The following ARL17A variants were observed in gnomAD, a reference collection of about 807,000 sequenced individuals.
ARL17A encodes ARF like GTPase 17A, also known as ADP-ribosylation factor-like 17-like.
the ARL17A span, among the ~76,000 whole-genome samples, chr17:46,509,910 GA>G: frequency 1.1e-3 from 50 of 46,728 alleles, no homozygotes; most frequent in Non-Finnish European, 1.2e-3. Context: ...CTCTCTCGAG[GA>G]AAAAAAAAAA....
intron 4 of ARL17A, among the ~76,000 whole-genome samples, chr17:46,534,840 C>G (rs1176494783): frequency 1.3e-5 from 2 of 149,572 alleles, no homozygotes; most frequent in African/African-American, 2.5e-5. Flanking sequence ...CCCCACCTCC[C>G]TCCCAGACAG....
At chr17:46,501,529 C>T in the ARL17A span, among the ~76,000 whole-genome samples, 249 of 151,338 alleles carry the variant, frequency 1.6e-3, 21 homozygotes, top group African/African-American at 5.7e-3. Flanking sequence ...AGTCGTCTGC[C>T]GGCTGTTATA....
chr17:46,549,603 CAAT>C (rs776465596), downstream of ARL17A: 196 of 982,020 alleles, frequency 2.0e-4, no homozygotes, highest in Admixed American at 3.3e-4. Context: ...TCCCCAACAA[CAAT>C]GTGAGAAGGC....
In ARL17A at chr17:46,534,773, C is replaced by T. The variant is rs1450470261; in HGVS notation, c.335+3578G>A. On this transcript the variant is annotated intron_variant, in intron 4 of 4. Transcript: ENST00000329240. ...CTCCTCACTTCCCAGAAGGGGCAGC[C>T]GGGCAGAGGCGCCCCCCCACCTCCC... Among the ~76,000 whole-genome samples, 9 of 149,618 alleles carry T rather than the reference C, an allele frequency of 6.0e-5. No individual in the cohort carries two copies. The South Asian group carries it at 6.3e-4, about 10-fold the overall frequency.
downstream of ARL17A, among the ~76,000 whole-genome samples, chr17:46,526,571 TG>T (rs2052793073): frequency 9.6e-6 from 1 of 104,020 alleles, no homozygotes; most frequent in Non-Finnish European, 2.1e-5. Flanking sequence ...AAATCATCCC[TG>T]GGTTCCAATA....
At chr17:46,551,229 TG>T (rs1413312496), downstream of ARL17A, among the ~76,000 whole-genome samples, 1 of 149,106 alleles carries the variant, frequency 6.7e-6, no homozygotes, top group African/African-American at 2.6e-5. Flanking sequence ...CTGGCTACTC[TG>T]GGACAAGTCC....
At chr17:46,534,168 C>T (rs1167866755) in intron 4 of ARL17A, among the ~76,000 whole-genome samples, 1 of 148,278 alleles carries the variant, frequency 6.7e-6, no homozygotes, top group Non-Finnish European at 1.5e-5. Flanking sequence ...CATGCACCAC[C>T]ATGCCCAGTT....
At chr17:46,540,514 A>AG (rs1283724454) in intron 3 of ARL17A, among the ~76,000 whole-genome samples, 4 of 148,504 alleles carry the variant, frequency 2.7e-5, no homozygotes, top group Admixed American at 6.7e-5. Flanking sequence ...AAGAAAGCAA[A>AG]GGGGAAAAGG....
chr17:46,501,222 C>G, the ARL17A span, among the ~76,000 whole-genome samples: 39 of 151,294 alleles, frequency 2.6e-4, 5 homozygotes, highest in African/African-American at 9.4e-4. Flanking sequence ...GTTGCCTAGG[C>G]TGGAGGGCAG....
intron 4 of ARL17A, among the ~76,000 whole-genome samples, chr17:46,537,038 G>A (rs1452360305): frequency 0.05 from 1,616 of 32,436 alleles, 3 homozygotes; most frequent in Admixed American, 0.084. Context: ...CAAGACTTTG[G>A]TTACATTTCT....
At chr17:46,519,487 GAT>G (rs1426374567) in intron 3 of ARL17A, among the ~76,000 whole-genome samples, 1 of 129,946 alleles carries the variant, frequency 7.7e-6, no homozygotes, top group Admixed American at 7.8e-5. Flanking sequence ...TAGAGAGAGG[GAT>G]ATGATTGGAA....
At chr17:46,568,998 A>G (rs1433623296) in intron 3 of ARL17A, among the ~76,000 whole-genome samples, 1 of 120,702 alleles carries the variant, frequency 8.3e-6, no homozygotes, top group Non-Finnish European at 1.7e-5. Context: ...GCTGGGGTGC[A>G]ATGGCGCAAT....
chr17:46,503,037 C>T, the ARL17A span, among the ~76,000 whole-genome samples: 2 of 150,580 alleles, frequency 1.3e-5, no homozygotes, highest in Non-Finnish European at 2.9e-5. Flanking sequence ...ACGGTGAAAC[C>T]CCATCTCTAC....
chr17:46,548,797 C>A, downstream of ARL17A: 4 of 1,611,936 alleles, frequency 2.5e-6, no homozygotes, highest in Non-Finnish European at 3.4e-6. Context: ...GCCCCACACA[C>A]AGCAGGGGCC....
intron 3 of ARL17A, among the ~76,000 whole-genome samples, chr17:46,542,389 G>C (rs2055501495): frequency 6.8e-6 from 1 of 147,964 alleles, no homozygotes. Flanking sequence ...TTTTTTTGTA[G>C]AAATGAGGTC....
downstream of ARL17A, among the ~76,000 whole-genome samples, chr17:46,550,081 G>A (rs1272955743): frequency 3.6e-4 from 4 of 11,226 alleles, no homozygotes; most frequent in East Asian, 1.6e-3. Context: ...TTTGGGAGGC[G>A]AAGGTGGGTG....
At chr17:46,539,175 C>T (rs1440251772) in intron 3 of ARL17A, among the ~76,000 whole-genome samples, 1 of 71,962 alleles carries the variant, frequency 1.4e-5, no homozygotes, top group African/African-American at 4.4e-5. Flanking sequence ...TGCACCACTG[C>T]ACTCCAGCCT....
Position 46,543,624 on chromosome 17 carries a change from T to A in ARL17A, c.260-5198A>T, listed in dbSNP as rs1331975053. Among the ~76,000 whole-genome samples the A allele has an allele frequency of 2.7e-5, 4 of 150,790 alleles. No homozygotes were observed. The South Asian group carries it at 8.3e-4, about 31-fold the overall frequency. On this transcript the variant is annotated intron_variant, in intron 3 of 4. Coordinates refer to the ARL17A transcript ENST00000329240. ...TCTTCAATGGTGAAGGGTCATTATG[T>A]CTGCAACTGACTCTCAAATGGTTTT... is the stretch of plus-strand genomic sequence containing the variant.
chr17:46,541,877 C>T (rs1216510987), intron 3 of ARL17A, among the ~76,000 whole-genome samples: 2 of 149,978 alleles, frequency 1.3e-5, no homozygotes, highest in Non-Finnish European at 2.9e-5. Context: ...GTCCTGGAGC[C>T]AATCCCCTGC....
Sources: gnomAD v4.1 joint callset for allele counts (sites outside exome capture counted in the v4.1 genomes callset) on GRCh38, gnomAD v4.1.1 for gene constraint, MANE v1.5 for transcripts, NCBI Gene and HGNC (gene_info 2026-07-23, HGNC 2026-07-21) for gene names.